CDH13: variants seen among roughly 807,000 people sequenced by gnomAD.
The protein encoded by CDH13 is cadherin-13.
Under a neutral mutation model 63.8 loss-of-function variants are expected in CDH13, and 24 were observed. That is an observed-to-expected ratio of 0.38 (90% CI 0.27 to 0.53). The LOEUF (loss-of-function observed/expected upper bound fraction) is 0.53. Among genes scored for constraint, CDH13 ranks in the 20% least tolerant of loss-of-function variants. The pLI is 0.85. For synonymous variants in CDH13, 503 were observed against 355.3 expected (o/e 1.42, Z -4.67); for missense variants, 1,049 against 903.1 (o/e 1.16, Z -2.07).
intron 2 of CDH13, among the ~76,000 whole-genome samples, chr16:82,983,573 A>G (rs1466189790): frequency 6.6e-6 from 1 of 152,182 alleles, no homozygotes; most frequent in Non-Finnish European, 1.5e-5. Context: ...AGAATGTGGG[A>G]GGAAAATGAG....
At chr16:82,660,296 G>A (rs893862891) in intron 1 of CDH13, among the ~76,000 whole-genome samples, 1 of 152,128 alleles carries the variant, frequency 6.6e-6, no homozygotes, top group Non-Finnish European at 1.5e-5. Context: ...TCACACGTGG[G>A]GAGCATGGAA....
chr16:82,891,110 C>G (rs1031997802), intron 2 of CDH13, among the ~76,000 whole-genome samples: 7 of 149,250 alleles, frequency 4.7e-5, no homozygotes, highest in Non-Finnish European at 7.4e-5. Context: ...TCTCAGAACT[C>G]ATGTCATACT....
At chr16:83,585,811 G>A (rs1906102038) in intron 7 of CDH13, among the ~76,000 whole-genome samples, 1 of 152,138 alleles carries the variant, frequency 6.6e-6, no homozygotes, top group Non-Finnish European at 1.5e-5. Flanking sequence ...GCTCCCACGT[G>A]GAATCTTTGG....
chr16:83,370,886 G>A (rs919352530), intron 6 of CDH13, among the ~76,000 whole-genome samples: 3 of 152,100 alleles, frequency 2.0e-5, no homozygotes, highest in African/African-American at 7.2e-5. Flanking sequence ...TGGGCATTTA[G>A]GTTGAATCCC....
At chr16:83,518,555 C>G (rs1190185514) in intron 7 of CDH13, among the ~76,000 whole-genome samples, 4 of 151,062 alleles carry the variant, frequency 2.6e-5, no homozygotes, top group Non-Finnish European at 5.9e-5. Context: ...TCACTGCAAG[C>G]TCCGCCTCCC....
At chr16:82,662,621 T>C (rs895959941) in intron 1 of CDH13, among the ~76,000 whole-genome samples, 1 of 152,210 alleles carries the variant, frequency 6.6e-6, no homozygotes, top group African/African-American at 2.4e-5. Flanking sequence ...TTCCTGAATG[T>C]CCTGAATGTT....
At chr16:83,220,324 A>G (rs1043945351) in intron 5 of CDH13, among the ~76,000 whole-genome samples, 1 of 152,186 alleles carries the variant, frequency 6.6e-6, no homozygotes, top group Non-Finnish European at 1.5e-5. Flanking sequence ...TGGGCACAGG[A>G]ATGTTGCAAT....
chr16:82,990,547 G>GTT (rs369121464), intron 2 of CDH13, among the ~76,000 whole-genome samples: 143 of 139,868 alleles, frequency 1.0e-3, no homozygotes, highest in East Asian at 1.7e-3. Context: ...TTTGGTTTGG[G>GTT]TTTTTTTTTT....
chr16:82,725,724 A>T (rs2033057228), intron 1 of CDH13, among the ~76,000 whole-genome samples: 1 of 152,124 alleles, frequency 6.6e-6, no homozygotes, highest in Non-Finnish European at 1.5e-5. Context: ...CTGACTTGTA[A>T]ACTGATTTGA....
intron 7 of CDH13, among the ~76,000 whole-genome samples, chr16:83,562,748 C>A (rs4401039): frequency 0.9 from 136,823 of 152,264 alleles, 61,877 homozygotes; most frequent in Non-Finnish European, 0.95. Flanking sequence ...GAACAAAAGT[C>A]GTCTTGAAGG....
intron 8 of CDH13, among the ~76,000 whole-genome samples, chr16:83,610,234 G>C (rs771190631): frequency 6.7e-6 from 1 of 149,430 alleles, no homozygotes; most frequent in Admixed American, 6.6e-5. Context: ...TAAACAGCTA[G>C]AATAAAAAAA....
At chr16:82,710,552 A>AATATATATATATATATAT (rs1555537840) in intron 1 of CDH13, among the ~76,000 whole-genome samples, 33 of 63,764 alleles carry the variant, frequency 5.2e-4, no homozygotes, top group Admixed American at 1.3e-3. Context: ...AAAAAAAAAA[A>AATATATATATATATATAT]ATATATATAT....
intron 3 of CDH13, among the ~76,000 whole-genome samples, chr16:83,035,114 TGAAG>T (rs1464032253): frequency 6.6e-6 from 1 of 151,332 alleles, no homozygotes; most frequent in Non-Finnish European, 1.5e-5. Flanking sequence ...AAAAAGAAAA[TGAAG>T]GAAAACAAAA....
chr16:83,604,744 T>C (rs1015675294), intron 8 of CDH13, among the ~76,000 whole-genome samples: 1 of 152,196 alleles, frequency 6.6e-6, no homozygotes, highest in Non-Finnish European at 1.5e-5. Flanking sequence ...TAATATTCAA[T>C]ATAAACTTAA....
At chr16:82,948,231 C>T (rs370252768) in intron 2 of CDH13, among the ~76,000 whole-genome samples, 2 of 152,080 alleles carry the variant, frequency 1.3e-5, no homozygotes, top group East Asian at 3.9e-4. Context: ...AATCTGCTTT[C>T]TAAATTTTTA....
chr16:83,434,383 C>G (rs1192261851), intron 6 of CDH13, among the ~76,000 whole-genome samples: 1 of 152,112 alleles, frequency 6.6e-6, no homozygotes. Context: ...TGCAAGATGA[C>G]TTCCTCAAGG....
At chr16:83,438,983 T>C (rs1478323686) in intron 6 of CDH13, among the ~76,000 whole-genome samples, 1 of 152,160 alleles carries the variant, frequency 6.6e-6, no homozygotes, top group Non-Finnish European at 1.5e-5. Context: ...GCACCTGGCA[T>C]AGTTTTTAAA....
chr16:82,682,704 A>G (rs185826178), intron 1 of CDH13, among the ~76,000 whole-genome samples: 23 of 152,316 alleles, frequency 1.5e-4, no homozygotes, highest in Non-Finnish European at 5.9e-5. Flanking sequence ...GGTGGACACA[A>G]AGTAATTGAG....
chr16:83,582,071 C>A (rs999069224), intron 7 of CDH13, among the ~76,000 whole-genome samples: 3 of 152,090 alleles, frequency 2.0e-5, no homozygotes, highest in African/African-American at 7.2e-5. Context: ...CCTCTCTGAG[C>A]CTTGAGTTTC....
Sources: gnomAD v4.1 joint callset for allele counts (sites outside exome capture counted in the v4.1 genomes callset) on GRCh38, gnomAD v4.1.1 for gene constraint, MANE v1.5 for transcripts, NCBI Gene and HGNC (gene_info 2026-07-23, HGNC 2026-07-21) for gene names.